The following FARS2 variants were observed in gnomAD, a reference collection of about 807,000 sequenced individuals.
The protein encoded by FARS2 is phenylalanyl-tRNA synthetase 2, mitochondrial, also known as phenylalanine--tRNA ligase, mitochondrial.
In FARS2, 40 loss-of-function variants were observed where a neutral mutation model predicts 46.4. The observed-to-expected ratio is 0.86, with a 90% CI of 0.67 to 1.12. The LOEUF is 1.12. Among genes scored for constraint, FARS2 ranks in the 50% most tolerant of loss-of-function variants. The pLI, the probability that FARS2 is intolerant of heterozygous loss-of-function variation, is 0.00. For synonymous variants in FARS2, 234 were observed against 214.9 expected, an observed-to-expected ratio of 1.09 and a Z score of -0.78; for missense variants, 513 against 567.9, an observed-to-expected ratio of 0.90 and a Z score of 0.98.
At chr6:5,327,239 C>T (rs942455967) in intron 1 of FARS2, among the ~76,000 whole-genome samples, 1 of 152,142 alleles carries the variant, frequency 6.6e-6, no homozygotes, top group East Asian at 1.9e-4. Context: ...AGTTATTATT[C>T]TACTTTAATT....
intron 5 of FARS2, among the ~76,000 whole-genome samples, chr6:5,605,235 G>T (rs980519791): frequency 1.3e-5 from 2 of 152,206 alleles, no homozygotes; most frequent in Non-Finnish European, 2.9e-5. Context: ...TGGGCTGCAG[G>T]ATCGCTAGCC....
At chr6:5,477,370 G>A (rs1025446534) in intron 4 of FARS2, among the ~76,000 whole-genome samples, 3 of 152,132 alleles carry the variant, frequency 2.0e-5, no homozygotes, top group African/African-American at 4.8e-5. Flanking sequence ...TCTTCCTGCC[G>A]ACACTTCCTG....
chr6:5,742,431 A>G (rs1164619257), intron 6 of FARS2, among the ~76,000 whole-genome samples: 2 of 152,204 alleles, frequency 1.3e-5, no homozygotes, highest in Non-Finnish European at 2.9e-5. Context: ...GAAGAATTCT[A>G]GTAGGTTGTT....
intron 2 of FARS2, among the ~76,000 whole-genome samples, chr6:5,386,632 A>G (rs1760151804): frequency 6.6e-6 from 1 of 152,198 alleles, no homozygotes; most frequent in African/African-American, 2.4e-5. Flanking sequence ...AAGAGGTGGA[A>G]TTAATTGGAT....
chr6:5,369,211 A>G (rs773133689), intron 2 of FARS2, 29 bp downstream of exon 2: 1 of 1,591,492 alleles, frequency 6.3e-7, no homozygotes, highest in Non-Finnish European at 8.5e-7. Context: ...CTCATCGCTG[A>G]AGGATGTCAT....
chr6:5,661,763 T>C (rs529535054), intron 6 of FARS2, among the ~76,000 whole-genome samples: 7 of 150,294 alleles, frequency 4.7e-5, no homozygotes, highest in African/African-American at 1.7e-4. Flanking sequence ...ATGGAGACAG[T>C]AAGTAGACAA....
rs562361065 is a variant in FARS2, at chr6:5,460,870, TGTG to T, written c.904+29702_904+29704del. Among the ~76,000 whole-genome samples the T allele has an allele frequency of 1.8e-3, 274 of 152,086 alleles. 1 individual carries two copies. Among genetic ancestry groups the T allele is most frequent in the African/African-American group, 6.4e-3 (266 of 41,500 alleles). ...CTCAGTTGTCAGGAAGGCCAGGAAA[TGTG>T]GTGTTTAGCTTTGTGGATTCTGTAG... On this transcript the variant is annotated intron_variant, in intron 4 of 6. Transcript: ENST00000274680.
chr6:5,637,835 C>G (rs1776619050), intron 6 of FARS2, among the ~76,000 whole-genome samples: 1 of 152,176 alleles, frequency 6.6e-6, no homozygotes, highest in Non-Finnish European at 1.5e-5. Flanking sequence ...TCCTCCACTT[C>G]TTATCAGGAC....
intron 4 of FARS2, among the ~76,000 whole-genome samples, chr6:5,481,019 T>TAA (rs773520525): frequency 1.3e-5 from 2 of 152,248 alleles, no homozygotes; most frequent in African/African-American, 4.8e-5. Context: ...AAGCACTCTT[T>TAA]AAAACAGTCT....
intron 5 of FARS2, among the ~76,000 whole-genome samples, chr6:5,600,307 A>G (rs1774437896): frequency 6.6e-6 from 1 of 152,236 alleles, no homozygotes; most frequent in African/African-American, 2.4e-5. Context: ...GGATGTTTAG[A>G]ACTTGATGAG....
chr6:5,540,558 T>G (rs1483407304), intron 4 of FARS2, among the ~76,000 whole-genome samples: 3 of 152,242 alleles, frequency 2.0e-5, no homozygotes, highest in Non-Finnish European at 2.9e-5. Flanking sequence ...CTTTGTGCTG[T>G]GAGAGTGACT....
intron 6 of FARS2, among the ~76,000 whole-genome samples, chr6:5,738,452 GAGTA>G (rs1761092042): frequency 6.6e-6 from 1 of 152,232 alleles, no homozygotes; most frequent in Admixed American, 6.5e-5. Context: ...TGAGGTCAAT[GAGTA>G]AGAGATTCAG....
chr6:5,609,688 G>C, intron 5 of FARS2: 1 of 1,337,180 alleles, frequency 7.5e-7, no homozygotes. Context: ...TCACAGGATG[G>C]CATTTCTGAA....
intron 4 of FARS2, among the ~76,000 whole-genome samples, chr6:5,432,330 ATAT>A (rs1763232477): frequency 2.8e-5 from 1 of 35,262 alleles, no homozygotes; most frequent in African/African-American, 6.6e-5. Flanking sequence ...AAAAAAAAAT[ATAT>A]ATATATATAT....
intron 5 of FARS2, among the ~76,000 whole-genome samples, chr6:5,557,890 G>T (rs564474490): frequency 2.6e-5 from 4 of 151,994 alleles, no homozygotes; most frequent in East Asian, 3.9e-4. Context: ...CACTTTTTTC[G>T]GTTTGAAATT....
chr6:5,498,297 G>T (rs181269993), intron 4 of FARS2, among the ~76,000 whole-genome samples: 1 of 152,200 alleles, frequency 6.6e-6, no homozygotes. Context: ...AGAGTTTTCA[G>T]GCTCCTTATT....
chr6:5,277,527 G>C (rs974461776), intron 1 of FARS2, among the ~76,000 whole-genome samples: 1 of 152,052 alleles, frequency 6.6e-6, no homozygotes, highest in African/African-American at 2.4e-5. Flanking sequence ...AGTAAAACTT[G>C]GTAAAGTTAA....
intron 6 of FARS2, among the ~76,000 whole-genome samples, chr6:5,751,479 A>C (rs1186629872): frequency 2.0e-5 from 3 of 152,222 alleles, no homozygotes; most frequent in African/African-American, 7.2e-5. Context: ...CATTCATTCT[A>C]GTGAGGAATC....
intron 6 of FARS2, among the ~76,000 whole-genome samples, chr6:5,757,530 T>C (rs1336582162): frequency 6.6e-6 from 1 of 152,228 alleles, no homozygotes; most frequent in Non-Finnish European, 1.5e-5. Context: ...AAGTATATTT[T>C]AAGATTATTC....
Sources: gnomAD v4.1 joint callset for allele counts (sites outside exome capture counted in the v4.1 genomes callset) on GRCh38, gnomAD v4.1.1 for gene constraint, MANE v1.5 for transcripts, NCBI Gene and HGNC (gene_info 2026-07-23, HGNC 2026-07-21) for gene names.